Variants in PDE1A observed in about 807,000 individuals in gnomAD.
PDE1A encodes dual specificity calcium/calmodulin-dependent 3',5'-cyclic nucleotide phosphodiesterase 1A.
PDE1A carries 35 observed loss-of-function variants against 61.7 expected under a neutral mutation model. The observed-to-expected ratio is 0.57, with a 90% CI of 0.43 to 0.75. The LOEUF is 0.75. PDE1A is among the 30% of genes least tolerant of loss of function. The pLI is 0.00. For missense variants in PDE1A, 597 were observed against 630.6 expected (o/e 0.95, Z 0.57); for synonymous variants, 232 against 213.2 (o/e 1.09, Z -0.77).
chr2:182,432,221 C>A (rs958537657), intron 2 of PDE1A, among the ~76,000 whole-genome samples: 1 of 152,014 alleles, frequency 6.6e-6, no homozygotes, highest in Non-Finnish European at 1.5e-5. Flanking sequence ...CTCTGACTAA[C>A]CCTATGATAA....
At chr2:182,333,827 C>T (rs1467520110) in intron 1 of PDE1A, among the ~76,000 whole-genome samples, 8 of 152,002 alleles carry the variant, frequency 5.3e-5, no homozygotes, top group Admixed American at 3.9e-4. Flanking sequence ...ATAGACAGAC[C>T]ACTAGCCAGA....
At chr2:182,713,501 T>C in the PDE1A span, among the ~76,000 whole-genome samples, 2 of 152,160 alleles carry the variant, frequency 1.3e-5, no homozygotes, top group Non-Finnish European at 2.9e-5. Context: ...TGTGGTGGCA[T>C]GTGCCTGTAA....
At chr2:182,624,622 T>C in the PDE1A span, among the ~76,000 whole-genome samples, 1 of 152,310 alleles carries the variant, frequency 6.6e-6, no homozygotes, top group East Asian at 1.9e-4. Context: ...TATAATTTTT[T>C]GTAAATTTCT....
chr2:182,701,270 C>T, the PDE1A span, among the ~76,000 whole-genome samples: 10 of 152,020 alleles, frequency 6.6e-5, no homozygotes, highest in African/African-American at 1.7e-4. Context: ...CTCCTGACCT[C>T]GTGATCCGCC....
upstream of PDE1A, among the ~76,000 whole-genome samples, chr2:182,524,435 CT>C (rs1188303867): frequency 3.3e-5 from 5 of 152,106 alleles, no homozygotes; most frequent in African/African-American, 9.7e-5. Context: ...AACTATTCTA[CT>C]TAAGTATATG....
chr2:182,645,478 A>G, the PDE1A span, among the ~76,000 whole-genome samples: 1 of 152,162 alleles, frequency 6.6e-6, no homozygotes, highest in Admixed American at 6.5e-5. Context: ...GGCATTTCTT[A>G]TTCAAAACAC....
the PDE1A span, among the ~76,000 whole-genome samples, chr2:182,624,243 T>C: frequency 7.9e-5 from 12 of 152,204 alleles, no homozygotes; most frequent in Non-Finnish European, 1.5e-4. Context: ...TTGTGTCTCC[T>C]GATTTAAAAT....
chr2:182,550,629 T>G, the PDE1A span, among the ~76,000 whole-genome samples: 16 of 152,324 alleles, frequency 1.1e-4, no homozygotes, highest in Non-Finnish European at 1.8e-4. Flanking sequence ...CACATTATTG[T>G]ATTATTCAGG....
intron 7 of PDE1A, among the ~76,000 whole-genome samples, chr2:182,216,031 A>G (rs1394717721): frequency 1.3e-5 from 1 of 78,028 alleles, no homozygotes; most frequent in Non-Finnish European, 2.5e-5. Context: ...AATACTGGCA[A>G]ACCGAATCCA....
chr2:182,448,654 A>G (rs964740211), intron 2 of PDE1A, among the ~76,000 whole-genome samples: 1 of 152,128 alleles, frequency 6.6e-6, no homozygotes, highest in Non-Finnish European at 1.5e-5. Flanking sequence ...TGTGCATGCC[A>G]GCCAATTTTC....
chr2:182,378,208 T>A (rs1700528056), intron 1 of PDE1A, among the ~76,000 whole-genome samples: 1 of 152,164 alleles, frequency 6.6e-6, no homozygotes, highest in Non-Finnish European at 1.5e-5. Flanking sequence ...CTCAAAAATA[T>A]TATATTGAGC....
chr2:182,143,454 C>T (rs936071838), downstream of PDE1A, among the ~76,000 whole-genome samples: 1 of 152,066 alleles, frequency 6.6e-6, no homozygotes, highest in East Asian at 1.9e-4. Context: ...TTGCACTTTA[C>T]ATACCTTGTC....
chr2:182,206,220 T>C (rs924655004), intron 7 of PDE1A, among the ~76,000 whole-genome samples, 155 bp from the exon 8 acceptor site: 2 of 152,244 alleles, frequency 1.3e-5, no homozygotes, highest in Non-Finnish European at 2.9e-5. Context: ...TATTTTTTAC[T>C]GTATGATATT....
At chr2:182,595,112 C>T in the PDE1A span, among the ~76,000 whole-genome samples, 3 of 151,936 alleles carry the variant, frequency 2.0e-5, no homozygotes, top group Non-Finnish European at 2.9e-5. Flanking sequence ...AACTAAGAGC[C>T]GTTTCACTTT....
chr2:182,582,346 T>G, the PDE1A span, among the ~76,000 whole-genome samples: 1 of 152,224 alleles, frequency 6.6e-6, no homozygotes, highest in Non-Finnish European at 1.5e-5. Context: ...GCCTGGTATG[T>G]GCTTGTTGCT....
At chr2:182,306,383 A>G (rs1695586030) in intron 1 of PDE1A, among the ~76,000 whole-genome samples, 1 of 151,988 alleles carries the variant, frequency 6.6e-6, no homozygotes, top group Non-Finnish European at 1.5e-5. Context: ...TTGTAATTCT[A>G]TTTTTAGTTT....
the PDE1A span, among the ~76,000 whole-genome samples, chr2:182,601,892 A>G: frequency 6.6e-6 from 1 of 152,098 alleles, no homozygotes; most frequent in Non-Finnish European, 1.5e-5. Flanking sequence ...AGTCACACCA[A>G]TTGGTCCATG....
chr2:182,578,041 A>G, the PDE1A span, among the ~76,000 whole-genome samples: 2 of 152,156 alleles, frequency 1.3e-5, no homozygotes, highest in African/African-American at 4.8e-5. Flanking sequence ...GTTAAAATTT[A>G]AAAATTAAAA....
chr2:182,484,955 G>A (rs1490337813), intron 2 of PDE1A, among the ~76,000 whole-genome samples: 1 of 151,946 alleles, frequency 6.6e-6, no homozygotes, highest in Non-Finnish European at 1.5e-5. Context: ...AAGACAGTGT[G>A]GCGATCCCTC....
Sources: allele counts gnomAD v4.1 joint callset (sites outside exome capture counted in the v4.1 genomes callset), GRCh38; gene constraint gnomAD v4.1.1; transcripts MANE v1.5; gene names NCBI Gene and HGNC (gene_info 2026-07-23, HGNC 2026-07-21).